The following IFT52 variants were observed in gnomAD, a reference collection of about 807,000 sequenced individuals.
IFT52 encodes intraflagellar transport protein 52 homolog.
Under a neutral mutation model 54.4 loss-of-function variants are expected in IFT52, and 44 were observed. The observed-to-expected ratio is 0.81, with a 90% CI of 0.63 to 1.04. The LOEUF (loss-of-function observed/expected upper bound fraction) is 1.04, where lower values mean the gene tolerates loss of function less well. Ranked by LOEUF, IFT52 falls within the 50% of genes least tolerant of loss-of-function variation. IFT52 has a pLI of 0.00. For synonymous variants in IFT52, 181 were observed against 185.3 expected (o/e 0.98, Z 0.19); for missense variants, 452 against 523.6 (o/e 0.86, Z 1.33).
chr20:43,603,158 T>A (rs1982589926), intron 3 of IFT52, among the ~76,000 whole-genome samples: 1 of 152,126 alleles, frequency 6.6e-6, no homozygotes, highest in African/African-American at 2.4e-5. Context: ...ACCCTAGATT[T>A]TTCTCCCTTC....
intron 3 of IFT52, among the ~76,000 whole-genome samples, chr20:43,597,883 A>G (rs936133953): frequency 9.9e-6 from 1 of 100,678 alleles, no homozygotes; most frequent in Non-Finnish European, 1.9e-5. Flanking sequence ...ACAGAGTGAG[A>G]CTCTTTCAAA....
intron 12 of IFT52, among the ~76,000 whole-genome samples, chr20:43,638,547 G>A (rs1024036786): frequency 2.6e-5 from 4 of 152,062 alleles, no homozygotes; most frequent in Admixed American, 2.0e-4. Context: ...GAGGTAGGAG[G>A]ATCGCTTGAA....
chr20:43,639,109 C>CA (rs1985737285), intron 12 of IFT52, among the ~76,000 whole-genome samples: 1 of 150,170 alleles, frequency 6.7e-6, no homozygotes, highest in African/African-American at 2.5e-5. Context: ...AAATGCAAGA[C>CA]AAAAAAGATA....
chr20:43,600,304 ATT>A (rs747896469), intron 3 of IFT52, among the ~76,000 whole-genome samples: 3 of 138,530 alleles, frequency 2.2e-5, no homozygotes, highest in South Asian at 2.3e-4. Context: ...GTAAAGTTCT[ATT>A]TTTTTTTTTT....
At chr20:43,630,755 G>A (rs553117947) in intron 10 of IFT52, among the ~76,000 whole-genome samples, 1 of 152,318 alleles carries the variant, frequency 6.6e-6, no homozygotes, top group South Asian at 2.1e-4. Context: ...ATCTAGTTCA[G>A]CGCCATTTCA....
At chr20:43,597,341 A>G (rs1467898780) in intron 3 of IFT52, among the ~76,000 whole-genome samples, 4 of 148,940 alleles carry the variant, frequency 2.7e-5, no homozygotes, top group African/African-American at 9.9e-5. Context: ...ATCTCACTCC[A>G]GCCTGGGCAA....
intron 2 of IFT52, 84 bp downstream of exon 2, chr20:43,594,901 CAT>C: frequency 2.5e-6 from 2 of 803,552 alleles, no homozygotes; most frequent in East Asian, 4.9e-5. Flanking sequence ...TCTTAGGTAA[CAT>C]AGATTGTTTA....
chr20:43,601,606 A>G (rs184678868), intron 3 of IFT52, among the ~76,000 whole-genome samples: 1 of 152,188 alleles, frequency 6.6e-6, no homozygotes, highest in Non-Finnish European at 1.5e-5. Flanking sequence ...CTATATACTC[A>G]TTGCATTTAG....
intron 12 of IFT52, chr20:43,642,215 T>C (rs1187513232): frequency 1.2e-5 from 4 of 342,980 alleles, no homozygotes; most frequent in Non-Finnish European, 1.6e-5. Context: ...CTTTCTAATG[T>C]AGGAATACTA....
chr20:43,604,293 G>T (rs763245548), intron 5 of IFT52, 35 bp downstream of exon 5: 5 of 1,472,606 alleles, frequency 3.4e-6, no homozygotes, highest in Admixed American at 3.4e-5. Flanking sequence ...TCTTGGCAAG[G>T]CATCGTCGCT....
At chr20:43,598,443 C>T (rs1000920805) in intron 3 of IFT52, among the ~76,000 whole-genome samples, 4 of 152,016 alleles carry the variant, frequency 2.6e-5, no homozygotes, top group Non-Finnish European at 5.9e-5. Context: ...ACCTGTAATC[C>T]CAGCACTTTG....
chr20:43,627,902 T>G (rs1377140355), intron 10 of IFT52, among the ~76,000 whole-genome samples: 2 of 81,490 alleles, frequency 2.5e-5, no homozygotes, highest in African/African-American at 8.4e-5. Flanking sequence ...GTCATATATA[T>G]ATAGAGAGAG....
intron 1 of IFT52, among the ~76,000 whole-genome samples, chr20:43,592,200 G>A (rs1401210951): frequency 1.3e-5 from 2 of 152,012 alleles, no homozygotes; most frequent in African/African-American, 4.8e-5. Context: ...ACTATGGCGC[G>A]CGCCTGTAAT....
Position 43,603,900 on chromosome 20 carries a change from T to G in IFT52, c.337+11T>G, listed in dbSNP as rs201435376. ...TCATGGTTAATAATGGTAATTAGTATTATTATTTTCAGTAGAGGCAGTACT... is the reference window on the plus strand; with the variant it reads ...TCATGGTTAATAATGGTAATTAGTAGTATTATTTTCAGTAGAGGCAGTACT... On this transcript the variant is annotated intron_variant, in intron 4 of 13. Transcript: ENST00000373030. 694 of 1,416,574 alleles carry G rather than the reference T, an allele frequency of 4.9e-4. No homozygotes were observed. The highest frequency in any genetic ancestry group is 6.4e-4 in the Non-Finnish European group (645 of 1,009,470). The allele number at this position is 1,416,574 out of a possible 1,614,324, so 87.8% of individuals were successfully genotyped here.
intron 11 of IFT52, 48 bp downstream of exon 11, chr20:43,636,061 C>T (rs1438241158): frequency 6.4e-7 from 1 of 1,566,508 alleles, no homozygotes; most frequent in Admixed American, 1.7e-5. Context: ...CCACTGTTGC[C>T]CTTATCTTGT....
rs778172793 is a variant in IFT52, at chr20:43,646,936, G to C, written c.1267G>C (p.Glu423Gln). 23 of 1,613,206 alleles carry C rather than the reference G, an allele frequency of 1.4e-5. No individual in the cohort carries two copies. The South Asian group carries it at 2.5e-4, about 18-fold the overall frequency. ...QVVEFKKLNQ[E>Q]HDIDTSETAF... is the part of the protein sequence containing the mutation. ...TTCTGTGTCTTATTCTCTCATCCAGGAACATGACATCGATACAAGTGAAAC... is the reference window on the plus strand; with the variant it reads ...TTCTGTGTCTTATTCTCTCATCCAGCAACATGACATCGATACAAGTGAAAC... The change falls in exon 14 of 14, where the codon GAA becomes CAA. Residue 423 changes from glutamate to glutamine, a missense_variant and splice_region_variant. Transcript: ENST00000373030.
At chr20:43,622,740 T>TTTTATGTAAATATAAATATATACATA (rs1568768005) in intron 9 of IFT52, among the ~76,000 whole-genome samples, 4 of 134,746 alleles carry the variant, frequency 3.0e-5, no homozygotes, top group African/African-American at 1.1e-4. Flanking sequence ...TATATACATA[T>TTTTATGTAAATATAAATATATACATA]TTTTATGTAA....
intron 8 of IFT52, among the ~76,000 whole-genome samples, chr20:43,620,483 C>T (rs1984207203): frequency 1.3e-5 from 2 of 152,040 alleles, no homozygotes; most frequent in South Asian, 4.1e-4. Context: ...CATGGTGAAA[C>T]CCCATCTACT....
intron 7 of IFT52, among the ~76,000 whole-genome samples, chr20:43,617,054 G>A (rs376005213): frequency 2.0e-4 from 30 of 151,962 alleles, no homozygotes; most frequent in African/African-American, 7.0e-4. Context: ...TTTTTTAACC[G>A]AATGATGTGT....
Sources: allele counts gnomAD v4.1 joint callset (sites outside exome capture counted in the v4.1 genomes callset), GRCh38; gene constraint gnomAD v4.1.1; transcripts MANE v1.5; gene names NCBI Gene and HGNC (gene_info 2026-07-23, HGNC 2026-07-21).